CYFIP1: variants seen among roughly 807,000 people sequenced by gnomAD.
CYFIP1 encodes the protein cytoplasmic FMR1 interacting protein 1.
In CYFIP1, 58 loss-of-function variants were observed where a neutral mutation model predicts 163.5. The ratio of observed to expected loss-of-function variants is 0.35; its 90% CI spans 0.29 to 0.44. The LOEUF (loss-of-function observed/expected upper bound fraction) is 0.44. Among genes scored for constraint, CYFIP1 ranks in the 20% least tolerant of loss-of-function variants. CYFIP1 has a pLI of 1.00. For missense variants in CYFIP1, 1,338 were observed against 1,653.8 expected (o/e 0.81, Z 3.31); for synonymous variants, 663 against 660.7 (o/e 1.00, Z -0.05).
chr15:22,917,338 C>T lies in CYFIP1; in HGVS notation c.1674+450G>A, dbSNP rs1175129199. On this transcript the variant is annotated intron_variant, in intron 15 of 30. Coordinates refer to ENST00000617928, the MANE Select transcript of CYFIP1 (RefSeq NM_014608.6). The surrounding 1 kb of genome is among the most constrained non-coding windows in gnomAD (Gnocchi z 4.2). ...GGTGTGAAAGTCGTGAGAAGCACCTCGGGGAGGCCTGAACACACCAGGAGA... is the reference window on the plus strand; with the variant it reads ...GGTGTGAAAGTCGTGAGAAGCACCTTGGGGAGGCCTGAACACACCAGGAGA... 4.7e-5 allele frequency: 61 copies of T among 1,284,536 alleles called. No homozygotes were observed. The highest frequency in any genetic ancestry group is 5.5e-5 in the Non-Finnish European group (56 of 1,012,972). 79.6% of individuals were successfully genotyped at this position (1,284,536 alleles called of 1,614,324 possible).
At chr15:22,898,641 T>C (rs1595545486) in intron 22 of CYFIP1, among the ~76,000 whole-genome samples, 2 of 152,008 alleles carry the variant, frequency 1.3e-5, no homozygotes, top group South Asian at 4.1e-4. Context: ...GCTCAAGTGA[T>C]CCTCCCATGT....
chr15:22,893,159 T>C (rs951589982), intron 22 of CYFIP1, among the ~76,000 whole-genome samples, 182 bp from the exon 23 acceptor site: 5 of 152,094 alleles, frequency 3.3e-5, no homozygotes, highest in Non-Finnish European at 5.9e-5. Context: ...TACTCAAATA[T>C]AATAAATGCA....
At chr15:22,926,442 C>T (rs6606809) in intron 12 of CYFIP1, among the ~76,000 whole-genome samples, 75,291 of 151,898 alleles carry the variant, frequency 0.5, 19,947 homozygotes, top group East Asian at 0.71. Context: ...GAGGTTGAGG[C>T]AGGAGGATCA....
intron 18 of CYFIP1, 60 bp from the exon 19 acceptor site, chr15:22,910,873 G>C (rs2060764427): frequency 4.2e-6 from 6 of 1,437,578 alleles, no homozygotes; most frequent in Non-Finnish European, 5.8e-6. Flanking sequence ...CAAATAACAA[G>C]GTGAAAAACA....
intron 30 of CYFIP1, among the ~76,000 whole-genome samples, chr15:22,871,630 C>G (rs765503698): frequency 3.3e-5 from 5 of 152,138 alleles, no homozygotes; most frequent in South Asian, 4.1e-4. Context: ...GGGAGAGTAT[C>G]TGGGGTTGTC....
At chr15:22,894,146 C>T (rs753383526) in intron 22 of CYFIP1, among the ~76,000 whole-genome samples, 3 of 152,126 alleles carry the variant, frequency 2.0e-5, no homozygotes, top group Non-Finnish European at 2.9e-5. Context: ...ACGGCACACA[C>T]GTCAGCCTCC....
chr15:22,933,015 A>AG, intron 10 of CYFIP1, among the ~76,000 whole-genome samples: 1 of 150,920 alleles, frequency 6.6e-6, no homozygotes, highest in South Asian at 2.1e-4. Context: ...GTATTTTTTC[A>AG]TACAGTCAAG....
At chr15:22,875,161 G>T in intron 27 of CYFIP1, 38 bp downstream of exon 27, 1 of 1,599,768 alleles carries the variant, frequency 6.3e-7, no homozygotes, top group Non-Finnish European at 8.6e-7. Context: ...CCCCACAGAG[G>T]GCAGTCTGGA....
chr15:22,917,246 C>G lies in CYFIP1; in HGVS notation c.1674+542G>C. On this transcript the variant is annotated intron_variant, in intron 15 of 30. Coordinates refer to ENST00000617928, the MANE Select transcript of CYFIP1 (RefSeq NM_014608.6). The surrounding 1 kb of genome is among the most constrained non-coding windows in gnomAD (Gnocchi z 4.2). ...GAGTGGCAGAAGAGATTAAAAGCCTCCGGCAGAGATGAGGGAGAAGACCAG... is the reference window on the plus strand; with the variant it reads ...GAGTGGCAGAAGAGATTAAAAGCCTGCGGCAGAGATGAGGGAGAAGACCAG... 7.2e-7 allele frequency: 1 copy of G among 1,397,980 alleles called. No individual in the cohort carries two copies. The highest frequency in any genetic ancestry group is 9.2e-7 in the Non-Finnish European group (1 of 1,083,180). The allele number at this position is 1,397,980 out of a possible 1,614,324, so 86.6% of individuals were successfully genotyped here.
At chr15:22,893,965 G>T (rs1488843420) in intron 22 of CYFIP1, among the ~76,000 whole-genome samples, 1 of 152,162 alleles carries the variant, frequency 6.6e-6, no homozygotes, top group African/African-American at 2.4e-5. Context: ...CCCGTTCCAG[G>T]AAGTACATTC....
intron 1 of CYFIP1, chr15:22,951,482 G>C: frequency 1.4e-5 from 18 of 1,289,076 alleles, no homozygotes; most frequent in Non-Finnish European, 1.7e-5. Flanking sequence ...ATGCCGCTCG[G>C]AGGGGCCAGG....
intron 18 of CYFIP1, among the ~76,000 whole-genome samples, chr15:22,911,400 T>C (rs944998361): frequency 2.0e-5 from 3 of 152,158 alleles, no homozygotes; most frequent in Admixed American, 6.5e-5. Flanking sequence ...CTACTGTGCA[T>C]TGCAGGTGGG....
Position 22,893,606 on chromosome 15 carries a change from A to G in CYFIP1, c.2589-629T>C, listed in dbSNP as rs1403952711. On this transcript the variant is annotated intron_variant, in intron 22 of 30. Coordinates refer to ENST00000617928, the MANE Select transcript of CYFIP1 (RefSeq NM_014608.6). ...GTAATTCCAAGCACTTGATTAACTCATATTCCACTTCAGGAAATGGAAACA... is the reference window on the plus strand; with the variant it reads ...GTAATTCCAAGCACTTGATTAACTCGTATTCCACTTCAGGAAATGGAAACA... 3.9e-5 allele frequency among the ~76,000 whole-genome samples: 6 copies of G among 152,332 alleles called. No individual in the cohort carries two copies. The East Asian group carries it at 1.2e-3, about 29-fold the overall frequency.
chr15:22,916,452 G>T, intron 16 of CYFIP1, 25 bp downstream of exon 16: 12 of 1,548,252 alleles, frequency 7.8e-6, no homozygotes, highest in Non-Finnish European at 1.1e-5. Flanking sequence ...TGCCAGGCCG[G>T]ATGCTGCTCA....
In CYFIP1 at chr15:22,946,378, T is replaced by C. The variant is rs144581615; in HGVS notation, c.207+625A>G. 9.2e-5 allele frequency among the ~76,000 whole-genome samples: 14 copies of C among 151,612 alleles called. No homozygotes were observed. In the East Asian group the frequency reaches 2.5e-3, roughly 28 times the overall value. On this transcript the variant is annotated intron_variant, in intron 3 of 30. Transcript: ENST00000617928. ...AGAACTAGCTAGGTGTGGTGGCTCATGCCTGTAATCCCAGCACTTTGGGAG... is the reference window on the plus strand; with the variant it reads ...AGAACTAGCTAGGTGTGGTGGCTCACGCCTGTAATCCCAGCACTTTGGGAG...
intron 23 of CYFIP1, among the ~76,000 whole-genome samples, chr15:22,891,871 G>A (rs769597999): frequency 5.3e-5 from 8 of 152,250 alleles, no homozygotes; most frequent in East Asian, 1.9e-4. Context: ...CAGCTGGTGC[G>A]TTAGAAAGCG....
intron 25 of CYFIP1, among the ~76,000 whole-genome samples, chr15:22,880,371 C>A (rs549020940): frequency 6.6e-6 from 1 of 152,236 alleles, no homozygotes; most frequent in East Asian, 1.9e-4. Context: ...TGGGGGCAGA[C>A]AAGGTATTTG....
At chr15:22,870,816 A>C (rs1449800734) in intron 30 of CYFIP1, among the ~76,000 whole-genome samples, 1 of 152,250 alleles carries the variant, frequency 6.6e-6, no homozygotes, top group Non-Finnish European at 1.5e-5. Flanking sequence ...GAGAAAGGCC[A>C]GTCAACTAAC....
At chr15:22,972,462 TAC>T (rs1287173920) in intron 1 of CYFIP1, among the ~76,000 whole-genome samples, 1 of 151,738 alleles carries the variant, frequency 6.6e-6, no homozygotes, top group East Asian at 1.9e-4. Context: ...CAAAAAAAAC[TAC>T]AGAGATATAG....
Sources: allele counts gnomAD v4.1 joint callset (sites outside exome capture counted in the v4.1 genomes callset), GRCh38; gene constraint gnomAD v4.1.1; non-coding constraint Gnocchi (gnomAD v3.1); transcripts MANE v1.5; gene names NCBI Gene and HGNC (gene_info 2026-07-23, HGNC 2026-07-21).